Variants in PIGU observed in about 807,000 individuals in gnomAD.
PIGU encodes GPI-anchor transamidase component PIGU.
Under a neutral mutation model 49.9 loss-of-function variants are expected in PIGU, and 24 were observed. The observed-to-expected ratio is 0.48, with a 90% CI of 0.35 to 0.68. The LOEUF is 0.68. Ranked by LOEUF, PIGU falls within the 30% of genes least tolerant of loss-of-function variation. The pLI, the probability that PIGU is intolerant of heterozygous loss-of-function variation, is 0.01. For missense variants in PIGU, 490 were observed against 532.6 expected (o/e 0.92, Z 0.79); for synonymous variants, 220 against 205.7 (o/e 1.07, Z -0.59).
intron 7 of PIGU, among the ~76,000 whole-genome samples, chr20:34,609,758 T>C (rs1161538255): frequency 6.6e-6 from 1 of 152,160 alleles, no homozygotes; most frequent in Non-Finnish European, 1.5e-5. Context: ...CCAGGTGATA[T>C]AATTTGGCTG....
chr20:34,581,620 T>TA lies in PIGU; in HGVS notation c.978dup (p.Lys327Ter), dbSNP rs778998515. 18 of 1,613,864 alleles carry TA rather than the reference T, an allele frequency of 1.1e-5. No individual in the cohort carries two copies. Among genetic ancestry groups the TA allele is most frequent in the Non-Finnish European group, 4.2e-6 (5 of 1,179,918 alleles). On this transcript the variant is annotated frameshift_variant, in exon 10 of 12. Transcript: ENST00000217446. LOFTEE classifies it high-confidence loss of function. ...ACGTCCCCCACTGTCGGGTAGGACT[T>TA]AAAGATGGCGATGACAGCGATCTGG...
intron 7 of PIGU, among the ~76,000 whole-genome samples, chr20:34,594,992 C>T (rs764940077): frequency 4.9e-5 from 7 of 144,034 alleles, no homozygotes; most frequent in South Asian, 2.2e-4. Flanking sequence ...CTCGGGAGGC[C>T]GAGGCAGGAG....
At chr20:34,653,165 G>T (rs1011119271) in intron 2 of PIGU, among the ~76,000 whole-genome samples, 1 of 152,050 alleles carries the variant, frequency 6.6e-6, no homozygotes, top group Non-Finnish European at 1.5e-5. Context: ...CAGAGACGGG[G>T]TTTCACCATG....
At chr20:34,673,616 A>G (rs1284561069) in intron 1 of PIGU, among the ~76,000 whole-genome samples, 1 of 152,232 alleles carries the variant, frequency 6.6e-6, no homozygotes, top group Non-Finnish European at 1.5e-5. Context: ...AGCCCATGTC[A>G]GCACTATTTT....
chr20:34,578,078 G>C (rs973379995), intron 10 of PIGU, among the ~76,000 whole-genome samples: 11 of 152,184 alleles, frequency 7.2e-5, no homozygotes, highest in Non-Finnish European at 1.5e-5. Flanking sequence ...AGAATGGCTG[G>C]TAGTTGATTG....
chr20:34,645,485 G>A (rs562340800), intron 2 of PIGU, 151 bp from the exon 3 acceptor site: 37 of 1,145,924 alleles, frequency 3.2e-5, no homozygotes, highest in African/African-American at 1.3e-4. Context: ...CCAGCTGGCC[G>A]GTGTGCTTAT....
rs11292653 is a variant in PIGU at position 34,563,624 on chromosome 20, T to TGG, written c.1195-2647_1195-2646dup. Among the ~76,000 whole-genome samples the TGG allele has an allele frequency of 9.2e-3, 1,280 of 139,544 alleles. 7 individuals are homozygous for TGG. Among genetic ancestry groups the TGG allele is most frequent in the South Asian group, 0.028 (114 of 4,106 alleles). The allele number at this position is 139,544 out of a possible 152,430, so 91.5% of individuals were successfully genotyped here. A position where few individuals can be genotyped will look rare whatever the true frequency, so the allele number is the denominator to read the frequency against. Reference sequence around the variant, plus strand: ...ATAAATCAATGAATCAATACATCAATGGGGGGGGGGAGATAAATCTTCCTT... The same window carrying TGG: ...ATAAATCAATGAATCAATACATCAATGGGGGGGGGGGGAGATAAATCTTCCTT... On this transcript the variant is annotated intron_variant, in intron 11 of 11. Transcript: ENST00000217446.
At chr20:34,606,453 A>G (rs6058089) in intron 7 of PIGU, among the ~76,000 whole-genome samples, 129,949 of 151,978 alleles carry the variant, frequency 0.86, 55,768 homozygotes, top group Admixed American at 0.92. Flanking sequence ...TCATAACATT[A>G]ACATTTTGAA....
At chr20:34,674,635 T>C (rs1477630583) in intron 1 of PIGU, among the ~76,000 whole-genome samples, 1 of 151,814 alleles carries the variant, frequency 6.6e-6, no homozygotes. Flanking sequence ...GCTCATAATA[T>C]AGTGGAAAAG....
intron 8 of PIGU, among the ~76,000 whole-genome samples, chr20:34,585,973 C>T (rs1983685449): frequency 6.6e-6 from 1 of 152,106 alleles, no homozygotes; most frequent in Non-Finnish European, 1.5e-5. Flanking sequence ...GAGGACCACG[C>T]TCAAAGATCC....
intron 6 of PIGU, among the ~76,000 whole-genome samples, chr20:34,627,540 C>A (rs987778184): frequency 6.6e-6 from 1 of 151,512 alleles, no homozygotes; most frequent in African/African-American, 2.4e-5. Flanking sequence ...CAAACAAAAA[C>A]CTTTTCGTTG....
chr20:34,608,785 C>T (rs1984709168), intron 7 of PIGU, among the ~76,000 whole-genome samples: 1 of 152,154 alleles, frequency 6.6e-6, no homozygotes, highest in Admixed American at 6.5e-5. Context: ...CAGCAAGTGG[C>T]CATTCAGCCT....
chr20:34,629,814 C>T (rs1985634513), intron 6 of PIGU, among the ~76,000 whole-genome samples: 1 of 152,144 alleles, frequency 6.6e-6, no homozygotes, highest in South Asian at 2.1e-4. Context: ...TGTTTATCAA[C>T]TCTCCCTCCA....
chr20:34,672,864 A>G (rs1377953547), intron 1 of PIGU, among the ~76,000 whole-genome samples: 1 of 150,344 alleles, frequency 6.7e-6, no homozygotes, highest in African/African-American at 2.5e-5. Context: ...CTCAAAAAAA[A>G]AAAAAAAAAA....
chr20:34,661,697 G>C (rs1224825345), intron 1 of PIGU, among the ~76,000 whole-genome samples: 2 of 151,902 alleles, frequency 1.3e-5, no homozygotes, highest in Non-Finnish European at 2.9e-5. Flanking sequence ...GCATCTTTAG[G>C]GCAGAACAAT....
chr20:34,650,095 G>A (rs188661853), intron 2 of PIGU, among the ~76,000 whole-genome samples: 31 of 147,594 alleles, frequency 2.1e-4, no homozygotes, highest in Admixed American at 1.8e-3. Context: ...TGATCCGCCC[G>A]CCTCGGCCTC....
At chr20:34,650,700 C>CTTTTTTTTTT (rs59998699) in intron 2 of PIGU, among the ~76,000 whole-genome samples, 920 of 38,784 alleles carry the variant, frequency 0.024, 243 homozygotes, top group Non-Finnish European at 0.03. Flanking sequence ...CTTTTTTTCT[C>CTTTTTTTTTT]TTTTTTTTTT....
chr20:34,591,781 A>G (rs1459748740), intron 7 of PIGU, among the ~76,000 whole-genome samples: 1 of 152,224 alleles, frequency 6.6e-6, no homozygotes, highest in Non-Finnish European at 1.5e-5. Context: ...AAATTAAAAC[A>G]CTTTTCCAAA....
intron 6 of PIGU, among the ~76,000 whole-genome samples, chr20:34,623,642 C>T (rs1250567914): frequency 1.3e-5 from 2 of 152,156 alleles, no homozygotes; most frequent in Admixed American, 1.3e-4. Context: ...CCCTCTTGAT[C>T]TCAATCAAGC....
Sources: gnomAD v4.1 joint callset for allele counts (sites outside exome capture counted in the v4.1 genomes callset) on GRCh38, gnomAD v4.1.1 for gene constraint, MANE v1.5 for transcripts, NCBI Gene and HGNC (gene_info 2026-07-23, HGNC 2026-07-21) for gene names.